Variants in THBS2 observed in about 807,000 individuals in gnomAD.
The protein encoded by THBS2 is thrombospondin 2, also known as thrombospondin-2.
Under a neutral mutation model 135.2 loss-of-function variants are expected in THBS2, and 47 were observed. The ratio of observed to expected loss-of-function variants is 0.35; its 90% CI spans 0.28 to 0.44. The LOEUF is 0.44. Ranked by LOEUF, THBS2 falls within the 20% of genes least tolerant of loss-of-function variation. THBS2 has a pLI of 1.00. For synonymous variants in THBS2, 639 were observed against 633.8 expected (o/e 1.01, Z -0.12); for missense variants, 1,288 against 1,603.1 (o/e 0.80, Z 3.36).
intron 4 of THBS2, among the ~76,000 whole-genome samples, chr6:169,244,803 C>T (rs975902188): frequency 1.3e-5 from 2 of 152,156 alleles, no homozygotes; most frequent in African/African-American, 2.4e-5. Context: ...CCTCAGGTAA[C>T]AGGCACAGTG....
chr6:169,252,552 G>T lies in THBS2; in HGVS notation c.-23+1172C>A, dbSNP rs908758127. Among the ~76,000 whole-genome samples, 2 of 152,250 alleles carry T rather than the reference G, an allele frequency of 1.3e-5. No homozygotes were observed. Among genetic ancestry groups the T allele is most frequent in the Non-Finnish European group, 2.9e-5 (2 of 68,044 alleles). On this transcript the variant is annotated intron_variant, in intron 1 of 21. Transcript: ENST00000617924. This position sits in a 1 kb window ranked among gnomAD's most constrained non-coding sequence, Gnocchi z 4.3. Reference sequence around the variant, plus strand: ...TCCTTTGACGAAACCAGATCCTACTGTCTCTGCCTTGAGGTAGATTCTTAC... The same window carrying T: ...TCCTTTGACGAAACCAGATCCTACTTTCTCTGCCTTGAGGTAGATTCTTAC...
At chr6:169,251,675 C>T (rs1271438681) in intron 1 of THBS2, among the ~76,000 whole-genome samples, 4 of 152,162 alleles carry the variant, frequency 2.6e-5, no homozygotes, top group Non-Finnish European at 5.9e-5. Flanking sequence ...TATCAAAGGC[C>T]GTTAACTTCT....
rs181853292 is a variant in THBS2 at position 169,225,495 on chromosome 6, G to A, written c.2539-116C>T. On this transcript the variant is annotated intron_variant, in intron 16 of 21. Coordinates refer to ENST00000617924, the MANE Select transcript of THBS2 (RefSeq NM_003247.5). ...TCCTCGTCCTGCAGCACAAGCCCCA[G>A]GGCCACGCAGGGGCGGCTGGCCCGA... 1.0e-4 allele frequency: 104 copies of A among 1,040,918 alleles called. 1 individual carries two copies. In the African/African-American group the frequency reaches 1.5e-3, roughly 15 times the overall value. The allele number at this position is 1,040,918 out of a possible 1,614,324, so 64.5% of individuals were successfully genotyped here. A position where few individuals can be genotyped will look rare whatever the true frequency, so the allele number is the denominator to read the frequency against.
In THBS2 at chr6:169,222,306, G is replaced by C; in HGVS notation, c.3164C>G (p.Thr1055Arg). The change falls in exon 19 of 22, where the codon ACG becomes AGG. Residue 1055 changes from threonine (T) to arginine (R), a missense_variant. Physicochemically the swap from Thr to Arg is moderately conservative, Grantham distance 71 (BLOSUM62 -1). Transcript: ENST00000617924. Reference protein sequence around the residue: ...VTQTYWEDQPTRAYGYSGVSL... With the variant: ...VTQTYWEDQPRRAYGYSGVSL... ...CACGCCGGAGTAGCCATAGGCCCGC[G>C]TGGGCTGGTCCTCCCAGTAGGTCTG... is the stretch of plus-strand genomic sequence containing the variant. 1 of 1,613,506 alleles carries C rather than the reference G, an allele frequency of 6.2e-7. No individual in the cohort carries two copies. Among genetic ancestry groups the C allele is most frequent in the East Asian group, 2.2e-5 (1 of 44,876 alleles).
At chr6:169,244,937 G>A (rs993733052) in intron 4 of THBS2, among the ~76,000 whole-genome samples, 8 of 152,254 alleles carry the variant, frequency 5.3e-5, no homozygotes, top group Admixed American at 4.6e-4. Context: ...ACAAGGACCC[G>A]GACCTGCAAA....
At chr6:169,243,019 A>C (rs1583418967) in intron 4 of THBS2, among the ~76,000 whole-genome samples, 5 of 55,856 alleles carry the variant, frequency 9.0e-5, no homozygotes, top group Admixed American at 6.2e-4. Flanking sequence ...CCACATTCCC[A>C]CCTTCCCACC....
At chr6:169,226,106 TC>T in intron 16 of THBS2, 73 bp downstream of exon 16, 3 of 1,452,022 alleles carry the variant, frequency 2.1e-6, no homozygotes, top group Non-Finnish European at 1.9e-6. Context: ...GTCACAGTGA[TC>T]CCCCACACCG....
At position 169,248,537 on chromosome 6, in the gene THBS2, C is replaced by T. The variant is rs759620411; in HGVS notation, c.489G>A (p.Leu163=). 1 of 1,614,022 alleles carries T rather than the reference C, an allele frequency of 6.2e-7. No individual in the cohort carries two copies. Residue 163 remains leucine, a synonymous_variant, in exon 3 of 22, where the codon TTG becomes TTA. Transcript: ENST00000617924. ...TGTCTATGAGGTCGCAGCCCACGTG[C>T]AAGCTGTAGGTCTCGCCAGCCACCT... ...TVQVAGETYS[L]HVGCDLIDSF... is the part of the protein sequence containing the mutation.
chr6:169,230,930 A>G (rs1270099742), intron 13 of THBS2, among the ~76,000 whole-genome samples: 1 of 152,242 alleles, frequency 6.6e-6, no homozygotes, highest in Non-Finnish European at 1.5e-5. Flanking sequence ...TTAAATATTA[A>G]ATAAATGAAT....
chr6:169,237,992 G>T lies in THBS2; in HGVS notation c.1130-197C>A, dbSNP rs879333496. ...TGGGACCCAAGTTTGTGACCTGCAC[G>T]GGAGTTCAGGGACTGCCTTTCAAGA... On this transcript the variant is annotated intron_variant, in intron 7 of 21. Transcript: ENST00000617924. Among the ~76,000 whole-genome samples the T allele has an allele frequency of 1.3e-5, 2 of 152,192 alleles. 1 individual carries two copies. Among genetic ancestry groups the T allele is most frequent in the East Asian group, 3.9e-4 (2 of 5,180 alleles).
At position 169,217,825 on chromosome 6, in the gene THBS2, A is replaced by G; in HGVS notation, c.3516T>C (p.Ile1172=). 6.3e-7 allele frequency: 1 copy of G among 1,575,334 alleles called. No homozygotes were observed. Among genetic ancestry groups the G allele is most frequent in the Middle Eastern group, 1.7e-4 (1 of 5,902 alleles). The change falls in exon 22 of 22, where the codon ATT becomes ATC. Residue 1172 remains isoleucine (I), a synonymous_variant. Coordinates refer to ENST00000617924, the MANE Select transcript of THBS2 (RefSeq NM_003247.5). ...CCGGAAATGCAGCAAATCTTGTTTA[A>G]ATATCTACAAAAAGAAAAAAAAAAG... ...FSDLKYECRD[I]
At position 169,237,673 on chromosome 6, in the gene THBS2, G is replaced by A; in HGVS notation, c.1252C>T (p.Pro418Ser). The change falls in exon 8 of 22, where the codon CCC becomes TCC. Residue 418 changes from proline to serine, a missense_variant. Transcript: ENST00000617924. ...CTGCAAGCCCGTGTCTGGATGGAGG[G>A]CCCCAAGCAGGTGTTGCTGGTGACG... ...CDVTSNTCLG[P>S]SIQTRACSLS... 1 of 1,612,932 alleles carries A rather than the reference G, an allele frequency of 6.2e-7. No individual in the cohort carries two copies. The highest frequency in any genetic ancestry group is 1.1e-5 in the South Asian group (1 of 91,080).
intron 6 of THBS2, among the ~76,000 whole-genome samples, chr6:169,240,039 G>A: frequency 6.6e-6 from 1 of 152,212 alleles, no homozygotes; most frequent in East Asian, 1.9e-4. Context: ...ATTGTCAGCA[G>A]AAATAGAGTA....
At chr6:169,248,374 G>T in intron 3 of THBS2, 43 bp downstream of exon 3, 1 of 1,558,202 alleles carries the variant, frequency 6.4e-7, no homozygotes, top group Non-Finnish European at 8.7e-7. Context: ...TCCCAGCTAA[G>T]CTCTTTCCTC....
At chr6:169,221,761 T>C (rs1779439207) in intron 19 of THBS2, among the ~76,000 whole-genome samples, 1 of 152,182 alleles carries the variant, frequency 6.6e-6, no homozygotes, top group African/African-American at 2.4e-5. Context: ...GATTCCTGGA[T>C]TGAAGAGCCC....
intron 4 of THBS2, among the ~76,000 whole-genome samples, chr6:169,245,265 G>T (rs1341421180): frequency 6.6e-6 from 1 of 152,290 alleles, no homozygotes; most frequent in Middle Eastern, 3.4e-3. Flanking sequence ...TTTGTAAAAT[G>T]AAGAAAGTGA....
chr6:169,237,580 G>A (rs199895960), intron 8 of THBS2, 45 bp downstream of exon 8: 14 of 1,607,378 alleles, frequency 8.7e-6, no homozygotes, highest in Non-Finnish European at 1.2e-5. Context: ...GAGAAACGCG[G>A]CCCCACCCCC....
intron 4 of THBS2, among the ~76,000 whole-genome samples, chr6:169,245,521 G>GCA (rs1562364378): frequency 6.6e-6 from 1 of 152,106 alleles, no homozygotes; most frequent in Non-Finnish European, 1.5e-5. Flanking sequence ...GGCCGGGCGT[G>GCA]GTGGCTCACA....
chr6:169,242,256 G>A (rs938986184), intron 4 of THBS2, among the ~76,000 whole-genome samples: 4 of 152,030 alleles, frequency 2.6e-5, no homozygotes, highest in African/African-American at 9.7e-5. Flanking sequence ...TCAGGAGTGG[G>A]GAGACGCATC....
Sources: gnomAD v4.1 joint callset for allele counts (sites outside exome capture counted in the v4.1 genomes callset) on GRCh38, gnomAD v4.1.1 for gene constraint, Gnocchi (gnomAD v3.1) non-coding constraint, MANE v1.5 for transcripts, NCBI Gene and HGNC (gene_info 2026-07-23, HGNC 2026-07-21) for gene names.